Variants in NFAT5 observed in about 807,000 individuals in gnomAD.
NFAT5 encodes nuclear factor of activated T cells 5.
In NFAT5, 31 loss-of-function variants were observed where a neutral mutation model predicts 166.5. The ratio of observed to expected loss-of-function variants is 0.19; its 90% CI spans 0.14 to 0.25. NFAT5 has a LOEUF of 0.25. Among genes scored for constraint, NFAT5 ranks in the 10% least tolerant of loss-of-function variants. The probability of loss-of-function intolerance (pLI) is 1.00; values close to 1 mark genes in which losing one functional copy is unlikely to be tolerated. For synonymous variants in NFAT5, 612 were observed against 639.7 expected (o/e 0.96, Z 0.65); for missense variants, 1,449 against 1,821.8 (o/e 0.80, Z 3.72).
intron 10 of NFAT5, among the ~76,000 whole-genome samples, chr16:69,683,284 C>T (rs994206802): frequency 3.9e-5 from 6 of 152,090 alleles, no homozygotes; most frequent in African/African-American, 1.4e-4. Flanking sequence ...GTAATCCCAG[C>T]AGTTAGGGTG....
chr16:69,640,212 T>C (rs1230331903), intron 3 of NFAT5, among the ~76,000 whole-genome samples: 1 of 152,176 alleles, frequency 6.6e-6, no homozygotes, highest in Non-Finnish European at 1.5e-5. Context: ...TGAAGACAAA[T>C]AGTGCCAGAG....
chr16:69,664,197 A>G (rs901987426), intron 7 of NFAT5, among the ~76,000 whole-genome samples: 1 of 152,208 alleles, frequency 6.6e-6, no homozygotes, highest in Admixed American at 6.5e-5. Context: ...TCTACTAGAC[A>G]TTATTACAAA....
In NFAT5 at chr16:69,692,747, T is replaced by C. The variant is rs758370724; in HGVS notation, c.2922T>C (p.Ser974=). The change falls in exon 13 of 15, where the codon TCT becomes TCC. Residue 974 remains serine (S), a synonymous_variant. Transcript: ENST00000349945. ...EDMQMQCELF[S]SPPAVSGNET... is the part of the protein sequence containing the mutation. ...TGCAAATGCAGTGTGAATTGTTTTCTTCTCCTCCTGCAGTTTCTGGAAATG... is the reference window on the plus strand; with the variant it reads ...TGCAAATGCAGTGTGAATTGTTTTCCTCTCCTCCTGCAGTTTCTGGAAATG... 1 of 1,614,266 alleles carries C rather than the reference T, an allele frequency of 6.2e-7. No homozygotes were observed. Among genetic ancestry groups the C allele is most frequent in the South Asian group, 1.1e-5 (1 of 91,088 alleles).
In NFAT5 at chr16:69,566,255, C is replaced by G. The variant is rs1383797612; in HGVS notation, c.-47C>G. The G allele has an allele frequency of 6.4e-7, 1 of 1,560,458 alleles. No individual in the cohort carries two copies. The highest frequency in any genetic ancestry group is 1.9e-5 in the Admixed American group (1 of 53,024). ...GGAGAGGAGGTGCCGCCGCCACCGC[C>G]GCTCCCCCCCTCCCGCTGCCCTCGG... On this transcript the variant is annotated 5_prime_UTR_variant, in exon 1 of 15. Coordinates refer to ENST00000349945, the MANE Select transcript of NFAT5 (RefSeq NM_138713.4). The surrounding 1 kb of genome is among the most constrained non-coding windows in gnomAD (Gnocchi z 5.7).
At chr16:69,594,430 ATTATAAT>A (rs1387405109) in intron 2 of NFAT5, among the ~76,000 whole-genome samples, 166 of 152,296 alleles carry the variant, frequency 1.1e-3, no homozygotes, top group African/African-American at 3.7e-3. Flanking sequence ...TTGTATATTA[ATTATAAT>A]TTATAAGTCT....
chr16:69,618,099 G>A (rs978084551), intron 2 of NFAT5, among the ~76,000 whole-genome samples: 7 of 151,442 alleles, frequency 4.6e-5, no homozygotes, highest in East Asian at 3.9e-4. Context: ...TGGAGGTTGC[G>A]GTGAGCTGAG....
intron 2 of NFAT5, among the ~76,000 whole-genome samples, chr16:69,596,251 A>G (rs539184620): frequency 1.3e-5 from 2 of 152,286 alleles, no homozygotes; most frequent in East Asian, 1.9e-4. Flanking sequence ...ATATTACACT[A>G]GTCTTGTACT....
intron 2 of NFAT5, among the ~76,000 whole-genome samples, chr16:69,582,537 G>T (rs1012344514): frequency 1.3e-5 from 2 of 150,992 alleles, no homozygotes; most frequent in Non-Finnish European, 2.9e-5. Context: ...TTTGTATATT[G>T]TGTGAGGTAA....
chr16:69,687,387 G>T (rs1398811502), intron 11 of NFAT5, among the ~76,000 whole-genome samples: 1 of 143,538 alleles, frequency 7.0e-6, no homozygotes, highest in Non-Finnish European at 1.5e-5. Context: ...GTTGTAGTGA[G>T]CCCAGATTGA....
chr16:69,568,334 G>A (rs1301769645), intron 1 of NFAT5, among the ~76,000 whole-genome samples, 161 bp from the exon 2 acceptor site: 2 of 133,358 alleles, frequency 1.5e-5, no homozygotes, highest in African/African-American at 5.8e-5. Flanking sequence ...ATGTATGTGT[G>A]TATATATATA....
intron 2 of NFAT5, among the ~76,000 whole-genome samples, chr16:69,579,441 T>A (rs1448613867): frequency 6.6e-6 from 1 of 152,152 alleles, no homozygotes; most frequent in Non-Finnish European, 1.5e-5. Flanking sequence ...CTTAATTCCT[T>A]AAAAAACTAA....
At chr16:69,602,478 G>A (rs1423114799) in intron 2 of NFAT5, among the ~76,000 whole-genome samples, 1 of 151,828 alleles carries the variant, frequency 6.6e-6, no homozygotes. Context: ...ATATTGCTCA[G>A]GCTGGTCTTG....
intron 6 of NFAT5, among the ~76,000 whole-genome samples, chr16:69,658,961 TTAACA>T (rs2036008100): frequency 1.3e-5 from 2 of 152,224 alleles, no homozygotes; most frequent in Admixed American, 1.3e-4. Context: ...TGCTTTTTAC[TTAACA>T]TATCATGAGC....
chr16:69,640,262 T>G (rs1376938275), intron 3 of NFAT5, among the ~76,000 whole-genome samples: 1 of 152,204 alleles, frequency 6.6e-6, no homozygotes, highest in East Asian at 1.9e-4. Flanking sequence ...TATAGGTCGG[T>G]CTCGTTTTCA....
chr16:69,653,838 TA>T (rs2035776674), intron 5 of NFAT5, among the ~76,000 whole-genome samples: 3 of 152,062 alleles, frequency 2.0e-5, no homozygotes, highest in Admixed American at 2.0e-4. Flanking sequence ...GAAGAAATAT[TA>T]AAGTGAATTC....
At chr16:69,649,077 G>T in intron 4 of NFAT5, 1 of 855,510 alleles carries the variant, frequency 1.2e-6, no homozygotes, top group Non-Finnish European at 1.4e-6. Flanking sequence ...TTCCTAAAAT[G>T]TTGCCATTTA....
intron 9 of NFAT5, among the ~76,000 whole-genome samples, chr16:69,672,023 A>G (rs879896833): frequency 1.7e-4 from 26 of 152,234 alleles, no homozygotes; most frequent in Non-Finnish European, 1.6e-4. Flanking sequence ...TCAAGTAAAT[A>G]TCACTGTCAC....
intron 3 of NFAT5, among the ~76,000 whole-genome samples, chr16:69,629,954 T>G (rs1275118281): frequency 6.6e-6 from 1 of 150,776 alleles, no homozygotes; most frequent in African/African-American, 2.4e-5. Context: ...TTTTTTTTTT[T>G]TAAACAGAGT....
rs75875955 is a variant in NFAT5 at position 69,669,027 on chromosome 16, G to A, written c.1370-950G>A. 8.7e-4 allele frequency among the ~76,000 whole-genome samples: 132 copies of A among 151,948 alleles called. 2 individuals are homozygous for A. The East Asian group carries it at 0.025, about 29-fold the overall frequency. On this transcript the variant is annotated intron_variant, in intron 7 of 14. Transcript: ENST00000349945. Reference sequence around the variant, plus strand: ...TCCCACTCCAGCCTCCTAAGTAGCTGGGAATTGCATGTGCATACTACCACG... The same window carrying A: ...TCCCACTCCAGCCTCCTAAGTAGCTAGGAATTGCATGTGCATACTACCACG...
Sources: gnomAD v4.1 joint callset for allele counts (sites outside exome capture counted in the v4.1 genomes callset) on GRCh38, gnomAD v4.1.1 for gene constraint, Gnocchi (gnomAD v3.1) non-coding constraint, MANE v1.5 for transcripts, NCBI Gene and HGNC (gene_info 2026-07-23, HGNC 2026-07-21) for gene names.